LEPR: variants seen among roughly 807,000 people sequenced by gnomAD.
LEPR encodes leptin receptor.
LEPR carries 56 observed loss-of-function variants against 114.7 expected under a neutral mutation model. That is an observed-to-expected ratio of 0.49 (90% confidence interval 0.39 to 0.61). The LOEUF (loss-of-function observed/expected upper bound fraction) is 0.61. LEPR is among the 20% of genes least tolerant of loss of function. The pLI is 0.00. For synonymous variants in LEPR, 443 were observed against 461.4 expected (o/e 0.96, Z 0.51); for missense variants, 1,202 against 1,352.9 (o/e 0.89, Z 1.75).
intron 2 of LEPR, among the ~76,000 whole-genome samples, chr1:65,532,105 G>C (rs1199937291): frequency 2.6e-5 from 4 of 152,120 alleles, no homozygotes. Context: ...TTAATTACTG[G>C]TGAGATTAAG....
At chr1:65,431,629 A>G (rs1482355840) in intron 2 of LEPR, among the ~76,000 whole-genome samples, 1 of 152,244 alleles carries the variant, frequency 6.6e-6, no homozygotes, top group African/African-American at 2.4e-5. Context: ...CAAGCATCAC[A>G]GAAGTAATTA....
chr1:65,511,865 C>A (rs1649050637), intron 2 of LEPR, among the ~76,000 whole-genome samples: 1 of 152,100 alleles, frequency 6.6e-6, no homozygotes, highest in Non-Finnish European at 1.5e-5. Context: ...CCCTCTGCAA[C>A]TCGGGTTAGT....
intron 19 of LEPR, among the ~76,000 whole-genome samples, chr1:65,629,629 C>T (rs550851702): frequency 5.6e-4 from 84 of 151,092 alleles, no homozygotes; most frequent in Middle Eastern, 3.4e-3. Flanking sequence ...CCCTTCCTTC[C>T]TCTTCCTCCC....
intron 17 of LEPR, among the ~76,000 whole-genome samples, 153 bp downstream of exon 17, chr1:65,620,176 AT>A (rs1007612509): frequency 9.2e-5 from 14 of 152,176 alleles, no homozygotes; most frequent in African/African-American, 3.1e-4. Context: ...CAAAGGAAAT[AT>A]TTTTTTCCTC....
intron 2 of LEPR, among the ~76,000 whole-genome samples, chr1:65,532,935 A>G (rs1375460490): frequency 6.6e-6 from 1 of 152,230 alleles, no homozygotes; most frequent in East Asian, 1.9e-4. Flanking sequence ...CATTCACTCA[A>G]TGTACTAAAC....
chr1:65,618,256 A>G, intron 16 of LEPR, 110 bp downstream of exon 16: 2 of 895,684 alleles, frequency 2.2e-6, no homozygotes, highest in Non-Finnish European at 3.4e-6. Flanking sequence ...TATAGAGGAT[A>G]CTACCATCCT....
chr1:65,553,286 C>T (rs541426305), intron 2 of LEPR, among the ~76,000 whole-genome samples: 1 of 152,294 alleles, frequency 6.6e-6, no homozygotes, highest in African/African-American at 2.4e-5. Flanking sequence ...GGGAAGTTCT[C>T]CTGGATAATA....
At chr1:65,426,958 A>G (rs952217502) in intron 2 of LEPR, among the ~76,000 whole-genome samples, 1 of 151,972 alleles carries the variant, frequency 6.6e-6, no homozygotes, top group African/African-American at 2.4e-5. Flanking sequence ...AGATCGTGCC[A>G]CTGCACTCTA....
intron 7 of LEPR, among the ~76,000 whole-genome samples, chr1:65,597,039 C>T (rs207460158): frequency 6.6e-6 from 1 of 152,088 alleles, no homozygotes; most frequent in Non-Finnish European, 1.5e-5. Context: ...CCCTGGATAT[C>T]TGATGAATAT....
intron 2 of LEPR, among the ~76,000 whole-genome samples, chr1:65,426,657 A>G (rs554618992): frequency 6.6e-6 from 1 of 152,198 alleles, no homozygotes; most frequent in South Asian, 2.1e-4. Context: ...AAGGAGGGAG[A>G]GTTCTTAGAT....
rs1647193922 is a variant in LEPR, at chr1:65,479,479, A to G, written c.-21+54101A>G. Reference sequence around the variant, plus strand: ...TGTCCCCAGAGTAACATGTAAGAAAATGATAGAGATAGGACATATCATGAA... The same window carrying G: ...TGTCCCCAGAGTAACATGTAAGAAAGTGATAGAGATAGGACATATCATGAA... On this transcript the variant is annotated intron_variant, in intron 2 of 19. Transcript: ENST00000349533. Among the ~76,000 whole-genome samples the G allele has an allele frequency of 2.0e-5, 3 of 152,162 alleles. No individual in the cohort carries two copies. The South Asian group carries it at 6.2e-4, about 32-fold the overall frequency.
chr1:65,458,485 T>C (rs372447627), intron 2 of LEPR, among the ~76,000 whole-genome samples: 16 of 152,338 alleles, frequency 1.1e-4, no homozygotes, highest in African/African-American at 3.8e-4. Context: ...ACACTTTATT[T>C]TACTCTACCT....
chr1:65,542,632 G>T (rs578130136), intron 2 of LEPR, among the ~76,000 whole-genome samples: 3 of 151,778 alleles, frequency 2.0e-5, no homozygotes, highest in African/African-American at 7.3e-5. Flanking sequence ...CCCCCCGACA[G>T]GCCCTGGTGT....
intron 2 of LEPR, among the ~76,000 whole-genome samples, chr1:65,436,894 C>T (rs1284359167): frequency 6.6e-6 from 1 of 152,210 alleles, no homozygotes; most frequent in Non-Finnish European, 1.5e-5. Flanking sequence ...CAATTTAAAG[C>T]ATAAATGCCT....
Position 65,482,610 on chromosome 1 carries a change from A to C in LEPR, c.-21+57232A>C, listed in dbSNP as rs149547778. Among the ~76,000 whole-genome samples, 82 of 152,266 alleles carry C rather than the reference A, an allele frequency of 5.4e-4. No homozygotes were observed. The Middle Eastern group carries it at 0.01, about 19-fold the overall frequency. ...GGAATTGGTCAACATATGGGGTTGA[A>C]ATAATTGGTTACTTACATGGAAGAA... On this transcript the variant is annotated intron_variant, in intron 2 of 19. Coordinates refer to ENST00000349533, the MANE Select transcript of LEPR (RefSeq NM_002303.6).
At chr1:65,509,121 T>C (rs964146178) in intron 2 of LEPR, among the ~76,000 whole-genome samples, 1 of 152,198 alleles carries the variant, frequency 6.6e-6, no homozygotes, top group Non-Finnish European at 1.5e-5. Context: ...TATAAGAGCA[T>C]GTCATCAGCA....
intron 2 of LEPR, among the ~76,000 whole-genome samples, chr1:65,441,465 G>C (rs556785949): frequency 6.6e-6 from 1 of 152,266 alleles, no homozygotes; most frequent in East Asian, 1.9e-4. Flanking sequence ...CCTAGCCTTT[G>C]GACTGTATTC....
At chr1:65,465,656 G>A (rs1647002327) in intron 2 of LEPR, among the ~76,000 whole-genome samples, 1 of 152,160 alleles carries the variant, frequency 6.6e-6, no homozygotes. Context: ...TTGTGTGGGA[G>A]TCTAAGTCTC....
intron 2 of LEPR, chr1:65,429,739 CAATT>C: frequency 3.7e-6 from 3 of 818,528 alleles, no homozygotes; most frequent in Non-Finnish European, 3.6e-6. Context: ...CTAATATTCA[CAATT>C]AATTAATTTT....
Sources: allele counts gnomAD v4.1 joint callset (sites outside exome capture counted in the v4.1 genomes callset), GRCh38; gene constraint gnomAD v4.1.1; transcripts MANE v1.5; gene names NCBI Gene and HGNC (gene_info 2026-07-23, HGNC 2026-07-21).